The following GOLGA8B variants were observed in gnomAD, a reference collection of about 807,000 sequenced individuals.
GOLGA8B encodes golgin A8 family member B, also known as golgin subfamily A member 8B.
GOLGA8B carries 1 observed loss-of-function variant against 15.6 expected under a neutral mutation model. The ratio of observed to expected loss-of-function variants is 0.06; its 90% confidence interval spans 0.02 to 0.30. The LOEUF (loss-of-function observed/expected upper bound fraction) is 0.30, where lower values mean the gene tolerates loss of function less well. GOLGA8B is among the 10% of genes least tolerant of loss of function. The probability of loss-of-function intolerance (pLI) is 1.00; values close to 1 mark genes in which losing one functional copy is unlikely to be tolerated. For synonymous variants in GOLGA8B, 9 were observed against 80.3 expected, an observed-to-expected ratio of 0.11 and a Z score of 4.75; for missense variants, 17 against 201.3, an observed-to-expected ratio of 0.08 and a Z score of 5.54.
chr15:34,575,238 C>T (rs987436248), intron 1 of GOLGA8B, among the ~76,000 whole-genome samples: 15 of 152,040 alleles, frequency 9.9e-5, no homozygotes, highest in Admixed American at 3.9e-4. Flanking sequence ...GGCGGTGCCT[C>T]GGCCAGACAC....
intron 1 of GOLGA8B, among the ~76,000 whole-genome samples, chr15:34,574,240 C>T (rs186793039): frequency 1.3e-4 from 20 of 151,908 alleles, no homozygotes; most frequent in African/African-American, 3.6e-4. Flanking sequence ...AAGGTCTAAT[C>T]GCAGAGGTGC....
In GOLGA8B at chr15:34,525,465, T is replaced by C. The variant is rs1167430838; in HGVS notation, c.*2167A>G. 6.7e-6 allele frequency: 1 copy of C among 150,002 alleles called. No homozygotes were observed. Among genetic ancestry groups the C allele is most frequent in the African/African-American group, 2.5e-5 (1 of 40,568 alleles). 9.3% of individuals were successfully genotyped at this position (150,002 alleles called of 1,614,324 possible). ...GCTTTGGACTGGAATTGGCATTTCT[T>C]TCTCTACTTTTCCTTCCCACCATTT... On this transcript the variant is annotated 3_prime_UTR_variant, in exon 24 of 24. Coordinates refer to ENST00000683415, the MANE Select transcript of GOLGA8B (RefSeq NM_001023567.5).
chr15:34,554,373 A>T (rs1212636710), intron 1 of GOLGA8B, among the ~76,000 whole-genome samples: 1 of 152,102 alleles, frequency 6.6e-6, no homozygotes, highest in East Asian at 1.9e-4. Context: ...CATGCACCAC[A>T]CACATACCAT....
At chr15:34,568,859 G>T (rs2140349210) in intron 1 of GOLGA8B, among the ~76,000 whole-genome samples, 1 of 127,596 alleles carries the variant, frequency 7.8e-6, no homozygotes, top group South Asian at 2.5e-4. Flanking sequence ...AAGTTCATAG[G>T]CCCCAGAGTC....
chr15:34,525,759 T>A lies in GOLGA8B; in HGVS notation c.*1873A>T, dbSNP rs1258642997. ...CAGTTGAAGTCACAAGGACCCAATA[T>A]CTGCCCTCTTTCAGTGAATGCCGGC... On this transcript the variant is annotated 3_prime_UTR_variant, in exon 24 of 24. Transcript: ENST00000683415. 1.3e-5 allele frequency: 2 copies of A among 149,542 alleles called. No homozygotes were observed. Among genetic ancestry groups the A allele is most frequent in the Non-Finnish European group, 3.0e-5 (2 of 67,184 alleles). The allele number at this position is 149,542 out of a possible 1,614,324, so 9.3% of individuals were successfully genotyped here.
chr15:34,578,308 G>A (rs182548722), intron 1 of GOLGA8B, among the ~76,000 whole-genome samples: 4 of 152,274 alleles, frequency 2.6e-5, no homozygotes, highest in East Asian at 1.9e-4. Context: ...TTTCCCCATC[G>A]CTGTGAAGAG....
At chr15:34,572,200 C>T (rs1396975508) in intron 1 of GOLGA8B, among the ~76,000 whole-genome samples, 1 of 152,178 alleles carries the variant, frequency 6.6e-6, no homozygotes, top group Non-Finnish European at 1.5e-5. Context: ...ACACCGCTGC[C>T]CCACACACTA....
rs373607469 is a variant in GOLGA8B at position 34,565,013 on chromosome 15, C to G, written c.-1122-11057G>C. ...AGGACGGCCTGTGCCCATGTTTCAG[C>G]TGAGAGCCGGGTGGGTGGCAGGGGC... On this transcript the variant is annotated intron_variant, in intron 1 of 23. Transcript: ENST00000683415. Among the ~76,000 whole-genome samples, 207 of 144,218 alleles carry G rather than the reference C, an allele frequency of 1.4e-3. 32 individuals are homozygous for G. The highest frequency in any genetic ancestry group is 1.1e-3 in the South Asian group (5 of 4,632). 94.6% of individuals were successfully genotyped at this position (144,218 alleles called of 152,430 possible). A position where few individuals can be genotyped will look rare whatever the true frequency, so the allele number is the denominator to read the frequency against.
intron 1 of GOLGA8B, among the ~76,000 whole-genome samples, chr15:34,571,040 T>C (rs1391118125): frequency 1.4e-5 from 2 of 145,456 alleles, no homozygotes; most frequent in African/African-American, 2.5e-5. Flanking sequence ...AAAGTTTATC[T>C]AGCGGCCGGG....
chr15:34,572,109 A>C (rs1292593839), intron 1 of GOLGA8B, among the ~76,000 whole-genome samples: 1 of 152,246 alleles, frequency 6.6e-6, no homozygotes, highest in Non-Finnish European at 1.5e-5. Context: ...ATAAGCTATC[A>C]CTTCACACCC....
chr15:34,581,807 G>A (rs1407131809), intron 1 of GOLGA8B, among the ~76,000 whole-genome samples: 3 of 152,116 alleles, frequency 2.0e-5, no homozygotes, highest in Non-Finnish European at 4.4e-5. Context: ...CAGTGGGGAC[G>A]GGCACAGACC....
rs1889268012 is a variant in GOLGA8B, at chr15:34,582,529, C to T, written c.-1123+987G>A. ...CGCATGCCCGTTTAAGAGCTGACTG[C>T]ACTCAACCACAGATTTACGTCTGGT... On this transcript the variant is annotated intron_variant, in intron 1 of 23. Coordinates refer to ENST00000683415, the MANE Select transcript of GOLGA8B (RefSeq NM_001023567.5). 2.6e-5 allele frequency among the ~76,000 whole-genome samples: 4 copies of T among 152,272 alleles called. No homozygotes were observed. The South Asian group carries it at 8.3e-4, about 31-fold the overall frequency.
At chr15:34,577,736 G>A (rs929696882) in intron 1 of GOLGA8B, among the ~76,000 whole-genome samples, 8 of 152,240 alleles carry the variant, frequency 5.3e-5, no homozygotes, top group Middle Eastern at 3.4e-3. Context: ...TGTGCTGAAG[G>A]TGTGTATCTA....
Position 34,525,792 on chromosome 15 carries a change from T to C in GOLGA8B, c.*1840A>G, listed in dbSNP as rs1894428316. 6.7e-6 allele frequency: 1 copy of C among 149,502 alleles called. No homozygotes were observed. Among genetic ancestry groups the C allele is most frequent in the South Asian group, 2.1e-4 (1 of 4,658 alleles). 9.3% of individuals were successfully genotyped at this position (149,502 alleles called of 1,614,324 possible). A position where few individuals can be genotyped will look rare whatever the true frequency, so the allele number is the denominator to read the frequency against. ...CTTTCAGTGAATGCCGGCAAATCTG[T>C]TATTCCATTGGCAAAATCGTATTGC... On this transcript the variant is annotated 3_prime_UTR_variant, in exon 24 of 24. Transcript: ENST00000683415.
intron 1 of GOLGA8B, among the ~76,000 whole-genome samples, chr15:34,583,198 C>G (rs1178371605): frequency 6.6e-6 from 1 of 151,888 alleles, no homozygotes; most frequent in African/African-American, 2.4e-5. Context: ...GACAGCGCCA[C>G]TTGCCCGCGC....
chr15:34,554,084 T>C (rs1406480455), intron 1 of GOLGA8B, 128 bp from the exon 2 acceptor site: 1 of 141,776 alleles, frequency 7.1e-6, no homozygotes, highest in Admixed American at 7.1e-5. Context: ...AGTCCCCACT[T>C]GGCTGTGCTG....
chr15:34,579,742 G>A (rs763377289), intron 1 of GOLGA8B, among the ~76,000 whole-genome samples: 1 of 152,138 alleles, frequency 6.6e-6, no homozygotes, highest in Non-Finnish European at 1.5e-5. Context: ...GAGGCACAGG[G>A]AGCAGGACAT....
intron 1 of GOLGA8B, among the ~76,000 whole-genome samples, chr15:34,568,891 C>G (rs1888831390): frequency 7.1e-6 from 1 of 141,806 alleles, no homozygotes; most frequent in Non-Finnish European, 1.5e-5. Flanking sequence ...GGAATCTCCC[C>G]TCTGCCATGC....
intron 1 of GOLGA8B, among the ~76,000 whole-genome samples, chr15:34,572,361 C>A (rs1049727374): frequency 6.6e-6 from 1 of 152,138 alleles, no homozygotes; most frequent in Admixed American, 6.5e-5. Flanking sequence ...GTTTAATGTA[C>A]GAGACTCCAC....
Sources: allele counts gnomAD v4.1 joint callset (sites outside exome capture counted in the v4.1 genomes callset), GRCh38; gene constraint gnomAD v4.1.1; transcripts MANE v1.5; gene names NCBI Gene and HGNC (gene_info 2026-07-23, HGNC 2026-07-21).